The following DHX37 variants were observed in gnomAD, a reference collection of about 807,000 sequenced individuals.
The protein encoded by DHX37 is DEAH-box helicase 37.
A neutral mutation model predicts 134.3 loss-of-function variants in DHX37; 52 were observed. The observed-to-expected ratio is 0.39, with a 90% CI of 0.31 to 0.49. DHX37 has a LOEUF of 0.49. Among genes scored for constraint, DHX37 ranks in the 20% least tolerant of loss-of-function variants. The probability of loss-of-function intolerance (pLI) is 0.93; values close to 1 mark genes in which losing one functional copy is unlikely to be tolerated. For synonymous variants in DHX37, 634 were observed against 670.7 expected (o/e 0.95, Z 0.85); for missense variants, 1,344 against 1,580.8 (o/e 0.85, Z 2.54).
At chr12:124,976,912 T>C (rs917757551) in intron 5 of DHX37, among the ~76,000 whole-genome samples, 1 of 151,136 alleles carries the variant, frequency 6.6e-6, no homozygotes, top group African/African-American at 2.4e-5. Flanking sequence ...CTGGGTGTGG[T>C]GGCGGGCGCC....
In DHX37 at chr12:124,954,201, T is replaced by C. The variant is rs1954039594; in HGVS notation, c.2464A>G (p.Ser822Gly). The part of the protein sequence containing the change: ...LFEELDRPAA[S>G]DEELTRLKSK... ...TTCAGCCTGGTGAGCTCCTCGTCAC[T>C]GGCCGCTGGTCTGCAAACACACATA... is the stretch of plus-strand genomic sequence containing the variant. The change falls in exon 19 of 27, where the codon AGT (serine) becomes GGT (glycine). Residue 822 changes from serine (S) to glycine (G), a missense_variant. Physicochemically the swap from Ser to Gly is moderately conservative, Grantham distance 56 (BLOSUM62 0). Coordinates refer to ENST00000308736, the MANE Select transcript of DHX37 (RefSeq NM_032656.4). 6 of 1,597,552 alleles carry C rather than the reference T, an allele frequency of 3.8e-6. No individual in the cohort carries two copies. Among genetic ancestry groups the C allele is most frequent in the Non-Finnish European group, 5.1e-6 (6 of 1,173,186 alleles).
At chr12:124,984,041 T>A (rs1221929210) in intron 2 of DHX37, among the ~76,000 whole-genome samples, 1 of 152,228 alleles carries the variant, frequency 6.6e-6, no homozygotes, top group Non-Finnish European at 1.5e-5. Flanking sequence ...TTATAGGCTG[T>A]TAACAGCATC....
At chr12:124,984,227 A>G (rs1305523073) in intron 2 of DHX37, among the ~76,000 whole-genome samples, 1 of 152,180 alleles carries the variant, frequency 6.6e-6, no homozygotes, top group African/African-American at 2.4e-5. Flanking sequence ...ATGGCAGAGG[A>G]GCATGTTTAA....
At chr12:124,973,049 G>C (rs893850407) in intron 6 of DHX37, among the ~76,000 whole-genome samples, 9 of 152,220 alleles carry the variant, frequency 5.9e-5, no homozygotes, top group African/African-American at 2.2e-4. Flanking sequence ...GGCTGAGGTG[G>C]GAGAATTACT....
intron 1 of DHX37, among the ~76,000 whole-genome samples, chr12:124,987,987 C>CTTT (rs11349687): frequency 2.6e-4 from 21 of 79,676 alleles, no homozygotes; most frequent in Non-Finnish European, 4.6e-4. Flanking sequence ...GTCTGTGGAA[C>CTTT]TTTTTTTTTT....
Position 124,960,289 on chromosome 12 carries a change from C to A in DHX37, c.2157+23G>T. 5 of 1,601,416 alleles carry A rather than the reference C, an allele frequency of 3.1e-6. No homozygotes were observed. The Admixed American group carries it at 8.4e-5, about 27-fold the overall frequency. On this transcript the variant is annotated intron_variant, in intron 16 of 26. Transcript: ENST00000308736. ...GGTGGTCCACTGGGGTGGCTGAGAG[C>A]GGGGCTGGGGGCAGCAACTGACCTT... is the stretch of plus-strand genomic sequence containing the variant.
At chr12:124,979,004 G>A (rs531365157) in intron 4 of DHX37, among the ~76,000 whole-genome samples, 72 of 151,934 alleles carry the variant, frequency 4.7e-4, no homozygotes, top group Non-Finnish European at 7.6e-4. Flanking sequence ...TGCAAACACT[G>A]CCCAAGAGAA....
Position 124,957,145 on chromosome 12 carries a change from A to G in DHX37, c.2158-10T>C, listed in dbSNP as rs1954116304. 2 of 1,490,280 alleles carry G rather than the reference A, an allele frequency of 1.3e-6. No individual in the cohort carries two copies. The highest frequency in any genetic ancestry group is 8.9e-7 in the Non-Finnish European group (1 of 1,122,598). 92.3% of individuals were successfully genotyped at this position (1,490,280 alleles called of 1,614,324 possible). On this transcript the variant is annotated splice_polypyrimidine_tract_variant and intron_variant, in intron 16 of 26. Transcript: ENST00000308736. ...AGGGGAAGTTGATGACCTGGGACAC[A>G]AGGAGACGTGGCAGGGACAGGGTGA...
At chr12:124,960,858 G>A (rs1003788502) in intron 15 of DHX37, among the ~76,000 whole-genome samples, 3 of 152,244 alleles carry the variant, frequency 2.0e-5, no homozygotes, top group African/African-American at 7.2e-5. Flanking sequence ...GGGAGGCTGA[G>A]GCAGGAGAAT....
At chr12:124,948,951 A>G (rs1953921994) in intron 25 of DHX37, among the ~76,000 whole-genome samples, 1 of 152,090 alleles carries the variant, frequency 6.6e-6, no homozygotes. Flanking sequence ...TTGCCCACCA[A>G]GGCTGCTCTG....
At chr12:124,948,821 AAAT>A (rs1418195603) in intron 25 of DHX37, among the ~76,000 whole-genome samples, 2 of 31,048 alleles carry the variant, frequency 6.4e-5, no homozygotes, top group Non-Finnish European at 1.6e-4. Context: ...TCTAAAAAAT[AAAT>A]AATAATAATA....
At chr12:124,948,297 A>C in intron 25 of DHX37, 116 bp from the exon 26 acceptor site, 1 of 1,463,528 alleles carries the variant, frequency 6.8e-7, no homozygotes, top group Non-Finnish European at 9.0e-7. Context: ...AGGAGGGTGA[A>C]GAGCTGGCTG....
intron 15 of DHX37, 134 bp from the exon 16 acceptor site, chr12:124,960,557 C>T: frequency 7.0e-7 from 1 of 1,423,314 alleles, no homozygotes; most frequent in South Asian, 1.4e-5. Flanking sequence ...CTTCACCTGA[C>T]AGCAGGCACG....
intron 4 of DHX37, among the ~76,000 whole-genome samples, chr12:124,978,601 A>C (rs1476431838): frequency 2.1e-5 from 3 of 141,656 alleles, no homozygotes; most frequent in Admixed American, 1.4e-4. Context: ...TACAGGCGTG[A>C]GCCATCGTGC....
At chr12:124,947,942 C>T (rs1000795517) in intron 26 of DHX37, 55 bp from the exon 27 acceptor site, 3 of 1,611,464 alleles carry the variant, frequency 1.9e-6, no homozygotes, top group Admixed American at 3.4e-5. Context: ...CAGGGACTCT[C>T]CTCAGGTGGC....
chr12:124,948,350 T>C, intron 25 of DHX37, 169 bp from the exon 26 acceptor site: 1 of 1,256,072 alleles, frequency 8.0e-7, no homozygotes, highest in East Asian at 2.6e-5. Context: ...CTCAGGGGGC[T>C]GAAGTAGGAG....
Position 124,982,640 on chromosome 12 carries a change from GTGTATTA to G in DHX37, c.277-24_277-18del, listed in dbSNP as rs769317662. On this transcript the variant is annotated intron_variant, in intron 2 of 26. Transcript: ENST00000308736. ...CTCTGCTCGCTGGGAAAGGAAACGA[GTGTATTA>G]TGCATTTGCCATCACGACCCTCTCT... 1 of 1,611,682 alleles carries G rather than the reference GTGTATTA, an allele frequency of 6.2e-7. No homozygotes were observed. Among genetic ancestry groups the G allele is most frequent in the Non-Finnish European group, 8.5e-7 (1 of 1,178,748 alleles).
intron 18 of DHX37, 115 bp from the exon 19 acceptor site, chr12:124,954,326 T>C (rs749815996): frequency 1.1e-4 from 164 of 1,427,328 alleles, no homozygotes; most frequent in Non-Finnish European, 1.4e-4. Flanking sequence ...GGGTCACTGA[T>C]GAATGTAATT....
At chr12:124,987,391 G>C (rs1187887675) in intron 1 of DHX37, among the ~76,000 whole-genome samples, 1 of 152,176 alleles carries the variant, frequency 6.6e-6, no homozygotes, top group African/African-American at 2.4e-5. Flanking sequence ...GTTCTTATGA[G>C]ATTCCTCTGG....
Sources: gnomAD v4.1 joint callset for allele counts (sites outside exome capture counted in the v4.1 genomes callset) on GRCh38, gnomAD v4.1.1 for gene constraint, MANE v1.5 for transcripts, NCBI Gene and HGNC (gene_info 2026-07-23, HGNC 2026-07-21) for gene names.